NSG2: variants seen among roughly 807,000 people sequenced by gnomAD.
The protein encoded by NSG2 is neuronal vesicle trafficking-associated protein 2.
Under a neutral mutation model 16.9 loss-of-function variants are expected in NSG2, and 4 were observed. That is an observed-to-expected ratio of 0.24 (90% CI 0.12 to 0.54). The LOEUF is 0.54. Among genes scored for constraint, NSG2 ranks in the 20% least tolerant of loss-of-function variants. The pLI is 0.95. For synonymous variants in NSG2, 98 were observed against 88.7 expected (o/e 1.11, Z -0.59); for missense variants, 179 against 221.1 (o/e 0.81, Z 1.21).
At chr5:174,075,401 C>A (rs2113448110) in intron 3 of NSG2, among the ~76,000 whole-genome samples, 1 of 152,326 alleles carries the variant, frequency 6.6e-6, no homozygotes, top group Middle Eastern at 3.4e-3. Context: ...GGAAACCCTG[C>A]ACATTTGGGG....
chr5:174,058,211 CATCTGAGTGTTGAGTGAT>C (rs766273787), intron 2 of NSG2, among the ~76,000 whole-genome samples: 1 of 152,008 alleles, frequency 6.6e-6, no homozygotes, highest in South Asian at 2.1e-4. Flanking sequence ...TCAGTAGGGT[CATCTGAGTGTTGAGTGAT>C]ATCTGAGTGG....
intron 3 of NSG2, among the ~76,000 whole-genome samples, chr5:174,092,729 C>T (rs1003438188): frequency 7.9e-5 from 12 of 152,146 alleles, no homozygotes; most frequent in African/African-American, 1.9e-4. Flanking sequence ...CGTACATTAG[C>T]GCACTGATTT....
intron 3 of NSG2, among the ~76,000 whole-genome samples, chr5:174,095,202 G>A (rs978576337): frequency 3.3e-5 from 5 of 152,294 alleles, no homozygotes; most frequent in African/African-American, 1.2e-4. Context: ...CAATATGGGG[G>A]AAGAGAGGAG....
intron 3 of NSG2, among the ~76,000 whole-genome samples, chr5:174,075,055 A>G (rs1199787053): frequency 6.6e-6 from 1 of 152,172 alleles, no homozygotes; most frequent in Admixed American, 6.5e-5. Context: ...AATAAAAGGA[A>G]GATACAGAAA....
At chr5:174,078,075 T>C (rs1760378480) in intron 3 of NSG2, among the ~76,000 whole-genome samples, 1 of 152,220 alleles carries the variant, frequency 6.6e-6, no homozygotes, top group Admixed American at 6.5e-5. Context: ...ATTTAAAGTT[T>C]AATTTCTATC....
At chr5:174,092,831 A>C (rs911367296) in intron 3 of NSG2, among the ~76,000 whole-genome samples, 1 of 152,054 alleles carries the variant, frequency 6.6e-6, no homozygotes, top group Non-Finnish European at 1.5e-5. Flanking sequence ...TGACTATACA[A>C]AGTTGGAGGG....
intron 3 of NSG2, 113 bp from the exon 4 acceptor site, chr5:174,104,115 G>A (rs1760941345): frequency 1.4e-6 from 1 of 725,886 alleles, no homozygotes; most frequent in East Asian, 2.6e-5. Flanking sequence ...CCTTGGGCCT[G>A]TCCCCCTTTC....
chr5:174,070,519 C>G (rs899788772), intron 3 of NSG2, among the ~76,000 whole-genome samples: 1 of 152,144 alleles, frequency 6.6e-6, no homozygotes, highest in Non-Finnish European at 1.5e-5. Context: ...TCTTGGTCTC[C>G]CTCCCTTTTC....
intron 2 of NSG2, among the ~76,000 whole-genome samples, chr5:174,047,770 A>G (rs1289707969): frequency 2.0e-5 from 3 of 152,204 alleles, no homozygotes; most frequent in Non-Finnish European, 4.4e-5. Flanking sequence ...ATGGACACAG[A>G]AGGGAGAAAT....
intron 3 of NSG2, chr5:174,064,519 G>T: frequency 2.4e-6 from 1 of 418,876 alleles, no homozygotes. Flanking sequence ...TCATATTCTC[G>T]TGTACTCTGG....
chr5:174,063,146 A>AAATAGGGAT (rs1760079524), intron 2 of NSG2, among the ~76,000 whole-genome samples: 1 of 152,226 alleles, frequency 6.6e-6, no homozygotes, highest in Admixed American at 6.5e-5. Flanking sequence ...TTAACTCTCA[A>AAATAGGGAT]AGCAACCTTA....
intron 3 of NSG2, among the ~76,000 whole-genome samples, chr5:174,077,773 G>T (rs1760372564): frequency 6.6e-6 from 1 of 152,062 alleles, no homozygotes; most frequent in South Asian, 2.1e-4. Flanking sequence ...GAAAGCCTGG[G>T]CTCTTGCGGA....
intron 4 of NSG2, among the ~76,000 whole-genome samples, chr5:174,105,888 G>A (rs1418511716): frequency 1.3e-5 from 2 of 152,036 alleles, no homozygotes; most frequent in East Asian, 1.9e-4. Context: ...GGGACAGAGC[G>A]AGACTCTGTC....
intron 2 of NSG2, among the ~76,000 whole-genome samples, chr5:174,058,366 G>A (rs550807800): frequency 9.2e-5 from 14 of 152,268 alleles, no homozygotes; most frequent in Admixed American, 3.9e-4. Context: ...AAAAGGTAGA[G>A]GTTGCAGTGA....
chr5:174,070,865 G>A (rs915860690), intron 3 of NSG2, among the ~76,000 whole-genome samples: 8 of 152,212 alleles, frequency 5.3e-5, no homozygotes, highest in African/African-American at 4.8e-5. Context: ...GCATCTCTGT[G>A]TTCCCAGTTC....
At chr5:174,080,528 TC>T (rs1760438113) in intron 3 of NSG2, among the ~76,000 whole-genome samples, 1 of 76,616 alleles carries the variant, frequency 1.3e-5, no homozygotes, top group African/African-American at 1.0e-4. Context: ...TCTTTCTTTC[TC>T]TCTCTCTCTC....
At chr5:174,052,892 C>T (rs145049855) in intron 2 of NSG2, among the ~76,000 whole-genome samples, 238 of 152,310 alleles carry the variant, frequency 1.6e-3, no homozygotes, top group African/African-American at 5.3e-3. Context: ...GAACCATAAT[C>T]GGCAAGTCTG....
chr5:174,072,091 C>A lies in NSG2; in HGVS notation c.213+7776C>A, dbSNP rs964825407. On this transcript the variant is annotated intron_variant, in intron 3 of 4. Coordinates refer to ENST00000303177, the MANE Select transcript of NSG2 (RefSeq NM_015980.5). This position sits in a 1 kb window ranked among gnomAD's most constrained non-coding sequence, Gnocchi z 4.0. ...TGCACCTAGCAGCCATAGAGCCAGG[C>A]CCCTCTCCCTCTGGAAGTCTCTAGT... Among the ~76,000 whole-genome samples, 1 of 152,154 alleles carries A rather than the reference C, an allele frequency of 6.6e-6. No individual in the cohort carries two copies. Among genetic ancestry groups the A allele is most frequent in the Non-Finnish European group, 1.5e-5 (1 of 68,026 alleles).
At chr5:174,077,661 G>A (rs1177112202) in intron 3 of NSG2, among the ~76,000 whole-genome samples, 1 of 152,126 alleles carries the variant, frequency 6.6e-6, no homozygotes, top group East Asian at 1.9e-4. Flanking sequence ...TTTTCAGAAA[G>A]GACTGACCAT....
Sources: allele counts gnomAD v4.1 joint callset (sites outside exome capture counted in the v4.1 genomes callset), GRCh38; gene constraint gnomAD v4.1.1; non-coding constraint Gnocchi (gnomAD v3.1); transcripts MANE v1.5; gene names NCBI Gene and HGNC (gene_info 2026-07-23, HGNC 2026-07-21).